TMEM255B: variants seen among roughly 807,000 people sequenced by gnomAD.
The protein encoded by TMEM255B is transmembrane protein 255B.
A neutral mutation model predicts 34.5 loss-of-function variants in TMEM255B; 35 were observed. The observed-to-expected ratio is 1.01, with a 90% CI of 0.77 to 1.34. The LOEUF (loss-of-function observed/expected upper bound fraction) is 1.34. Ranked by LOEUF, TMEM255B falls within the 40% of genes most tolerant of loss-of-function variation. The probability of loss-of-function intolerance (pLI) is 0.00; values close to 1 mark genes in which losing one functional copy is unlikely to be tolerated. For synonymous variants in TMEM255B, 206 were observed against 201.2 expected, an observed-to-expected ratio of 1.02 and a Z score of -0.20; for missense variants, 432 against 433.2, an observed-to-expected ratio of 1.00 and a Z score of 0.02.
intron 8 of TMEM255B, among the ~76,000 whole-genome samples, 199 bp downstream of exon 8, chr13:113,805,227 G>A (rs571759579): frequency 1.3e-5 from 2 of 152,328 alleles, no homozygotes; most frequent in Non-Finnish European, 2.9e-5. Flanking sequence ...GCGCCAGGTG[G>A]CCCTGGTGAC....
chr13:113,811,313 G>A (rs1363846992), intron 8 of TMEM255B, among the ~76,000 whole-genome samples: 3 of 139,480 alleles, frequency 2.2e-5, no homozygotes, highest in Non-Finnish European at 3.1e-5. Context: ...CTGGGCCTGT[G>A]GGGGGGCCGG....
At chr13:113,796,275 A>G (rs2050932931) in intron 4 of TMEM255B, among the ~76,000 whole-genome samples, 2 of 147,184 alleles carry the variant, frequency 1.4e-5, no homozygotes. Flanking sequence ...CTCACACACC[A>G]CACAGAGCAC....
chr13:113,796,112 G>C (rs1206551106), intron 4 of TMEM255B, among the ~76,000 whole-genome samples: 22 of 113,680 alleles, frequency 1.9e-4, no homozygotes, highest in Admixed American at 3.7e-4. Flanking sequence ...ACAACACACA[G>C]AGCACACAGC....
intron 7 of TMEM255B, among the ~76,000 whole-genome samples, 178 bp downstream of exon 7, chr13:113,801,990 G>T (rs191683773): frequency 6.6e-6 from 1 of 152,226 alleles, no homozygotes; most frequent in African/African-American, 2.4e-5. Flanking sequence ...CCTCGGGGCC[G>T]TCCTGTCCCA....
chr13:113,794,417 C>T (rs556230455), intron 3 of TMEM255B, among the ~76,000 whole-genome samples: 4 of 152,164 alleles, frequency 2.6e-5, no homozygotes, highest in South Asian at 2.1e-4. Flanking sequence ...ACCTCTTTCC[C>T]GAGCCGACAA....
At chr13:113,760,009 G>A (rs1456248447) in intron 1 of TMEM255B, among the ~76,000 whole-genome samples, 1 of 152,154 alleles carries the variant, frequency 6.6e-6, no homozygotes, top group African/African-American at 2.4e-5. Context: ...CTGGAAGGAT[G>A]CCGGGTGTCT....
chr13:113,771,616 T>G (rs1322829242), intron 3 of TMEM255B, among the ~76,000 whole-genome samples: 2 of 152,102 alleles, frequency 1.3e-5, no homozygotes, highest in African/African-American at 2.4e-5. Flanking sequence ...GAGGCAGAGG[T>G]TGCGGTGAGC....
chr13:113,774,216 T>A (rs2050521901), intron 3 of TMEM255B, among the ~76,000 whole-genome samples: 1 of 152,190 alleles, frequency 6.6e-6, no homozygotes, highest in Non-Finnish European at 1.5e-5. Context: ...ACTTAAGGGA[T>A]GAAATCTGAT....
At chr13:113,793,673 C>T (rs777727725) in intron 3 of TMEM255B, among the ~76,000 whole-genome samples, 7 of 152,244 alleles carry the variant, frequency 4.6e-5, no homozygotes, top group Non-Finnish European at 1.5e-5. Flanking sequence ...CCAGGAAGCC[C>T]CCAGTTGACA....
At position 113,806,808 on chromosome 13, in the gene TMEM255B, T is replaced by TGGAGGCCCGCAGGGGTAGAAGGA. The variant is rs149356157; in HGVS notation, c.813+1796_813+1818dup. On this transcript the variant is annotated intron_variant, in intron 8 of 8. Transcript: ENST00000375353. The surrounding 1 kb of genome is among the most constrained non-coding windows in gnomAD (Gnocchi z 4.2). The stretch of plus-strand genomic sequence containing the variant: ...GTGGGAAGTTTGCCAAGCCCAGAAC[T>TGGAGGCCCGCAGGGGTAGAAGGA]GGAGGCCCGCAGGGGTAGAAGGAGG... 3.8e-4 allele frequency among the ~76,000 whole-genome samples: 56 copies of TGGAGGCCCGCAGGGGTAGAAGGA among 145,512 alleles called. No individual in the cohort carries two copies. The highest frequency in any genetic ancestry group is 6.2e-4 in the South Asian group (3 of 4,806).
At position 113,770,319 on chromosome 13, in the gene TMEM255B, C is replaced by A. The variant is rs2050457499; in HGVS notation, c.252+1159C>A. Among the ~76,000 whole-genome samples the A allele has an allele frequency of 6.6e-6, 1 of 152,186 alleles. No homozygotes were observed. The highest frequency in any genetic ancestry group is 1.5e-5 in the Non-Finnish European group (1 of 68,034). ...ATCATGAGAACAGCACAGGAAAGAT[C>A]TGCCCCCCATGATTCAACTGCCTTC... is the stretch of plus-strand genomic sequence containing the variant. On this transcript the variant is annotated intron_variant, in intron 3 of 8. Coordinates refer to ENST00000375353, the MANE Select transcript of TMEM255B (RefSeq NM_182614.4). The surrounding 1 kb of genome is among the most constrained non-coding windows in gnomAD (Gnocchi z 4.6).
chr13:113,806,028 T>C lies in TMEM255B; in HGVS notation c.813+1000T>C, dbSNP rs1002511598. 1.3e-5 allele frequency among the ~76,000 whole-genome samples: 2 copies of C among 152,176 alleles called. No individual in the cohort carries two copies. Among genetic ancestry groups the C allele is most frequent in the Admixed American group, 6.5e-5 (1 of 15,288 alleles). The stretch of plus-strand genomic sequence containing the variant: ...GGTGAACGTGGGGAGTCGTGAGTTT[T>C]GAAGTCACACATGACACAGGTCTTC... On this transcript the variant is annotated intron_variant, in intron 8 of 8. Coordinates refer to ENST00000375353, the MANE Select transcript of TMEM255B (RefSeq NM_182614.4). This position sits in a 1 kb window ranked among gnomAD's most constrained non-coding sequence, Gnocchi z 4.2.
At chr13:113,773,106 T>C (rs2050503803) in intron 3 of TMEM255B, among the ~76,000 whole-genome samples, 1 of 152,252 alleles carries the variant, frequency 6.6e-6, no homozygotes, top group Non-Finnish European at 1.5e-5. Flanking sequence ...GTATAAGTTT[T>C]GTATCAAATT....
intron 7 of TMEM255B, among the ~76,000 whole-genome samples, chr13:113,803,988 C>T (rs1482804593): frequency 1.2e-4 from 3 of 24,350 alleles, no homozygotes; most frequent in Non-Finnish European, 1.5e-4. Flanking sequence ...CTGGCTTCCC[C>T]GCCTTTGCCA....
intron 3 of TMEM255B, among the ~76,000 whole-genome samples, chr13:113,794,440 G>A (rs1001253224): frequency 6.6e-6 from 1 of 152,094 alleles, no homozygotes; most frequent in South Asian, 2.1e-4. Context: ...CATCCATCGG[G>A]ACGGAACCAA....
intron 3 of TMEM255B, among the ~76,000 whole-genome samples, chr13:113,785,603 A>C (rs1373836937): frequency 6.6e-6 from 1 of 152,264 alleles, no homozygotes; most frequent in African/African-American, 2.4e-5. Context: ...CTTCTAAGTC[A>C]GCAGAAATTT....
In TMEM255B at chr13:113,800,848, G is replaced by C. The variant is rs147264445; in HGVS notation, c.445G>C (p.Gly149Arg). 1.9e-6 allele frequency: 3 copies of C among 1,609,332 alleles called. No individual in the cohort carries two copies. Among genetic ancestry groups the C allele is most frequent in the Non-Finnish European group, 2.5e-6 (3 of 1,178,410 alleles). ...CCAGGTCACCTGTCACTCCCTGGAC[G>C]GCAAGTGCCAGCTGAAGGTGAGAAG... ...QTEVTCHSLD[G>R]KCQLKVRSNT... Residue 149 changes from glycine to arginine, a missense_variant, in exon 6 of 9, where the codon GGC becomes CGC. Coordinates refer to ENST00000375353, the MANE Select transcript of TMEM255B (RefSeq NM_182614.4).
chr13:113,789,461 TAAC>T (rs1239179080), intron 3 of TMEM255B, among the ~76,000 whole-genome samples: 1 of 152,184 alleles, frequency 6.6e-6, no homozygotes, highest in Non-Finnish European at 1.5e-5. Flanking sequence ...GAACAAGAGT[TAAC>T]AATGCCTGGA....
chr13:113,792,369 T>C (rs1462818041), intron 3 of TMEM255B, among the ~76,000 whole-genome samples: 1 of 152,258 alleles, frequency 6.6e-6, no homozygotes, highest in African/African-American at 2.4e-5. Flanking sequence ...GACCGTAACA[T>C]GGTGGCTGCA....
Sources: gnomAD v4.1 joint callset for allele counts (sites outside exome capture counted in the v4.1 genomes callset) on GRCh38, gnomAD v4.1.1 for gene constraint, Gnocchi (gnomAD v3.1) non-coding constraint, MANE v1.5 for transcripts, NCBI Gene and HGNC (gene_info 2026-07-23, HGNC 2026-07-21) for gene names.